The following HIRA variants were observed in gnomAD, a reference collection of about 807,000 sequenced individuals.
The protein encoded by HIRA is histone cell cycle regulator, also known as protein HIRA.
In HIRA, 13 loss-of-function variants were observed where a neutral mutation model predicts 126.6. The ratio of observed to expected loss-of-function variants is 0.10; its 90% CI spans 0.07 to 0.16. The LOEUF (loss-of-function observed/expected upper bound fraction) is 0.16. HIRA is among the 10% of genes least tolerant of loss of function. HIRA has a pLI of 1.00. For missense variants in HIRA, 834 were observed against 1,314.4 expected, an observed-to-expected ratio of 0.63 and a Z score of 5.65; for synonymous variants, 511 against 520.0, an observed-to-expected ratio of 0.98 and a Z score of 0.24.
chr22:19,415,037 C>T (rs1034879906), intron 1 of HIRA, among the ~76,000 whole-genome samples: 2 of 152,142 alleles, frequency 1.3e-5, no homozygotes, highest in African/African-American at 2.4e-5. Context: ...CCTCTACCTC[C>T]TAAGTTCAAG....
intron 5 of HIRA, among the ~76,000 whole-genome samples, chr22:19,404,382 A>T (rs2089292521): frequency 6.6e-6 from 1 of 152,234 alleles, no homozygotes; most frequent in African/African-American, 2.4e-5. Flanking sequence ...CCTACCCCAC[A>T]CTTGGGCACC....
chr22:19,384,133 C>G (rs2089101941), intron 12 of HIRA, among the ~76,000 whole-genome samples: 1 of 151,956 alleles, frequency 6.6e-6, no homozygotes, highest in African/African-American at 2.4e-5. Context: ...TTCTGGCCAA[C>G]ATGGTGAAAC....
chr22:19,380,546 C>A (rs1425467045), intron 13 of HIRA, among the ~76,000 whole-genome samples: 1 of 152,184 alleles, frequency 6.6e-6, no homozygotes, highest in Non-Finnish European at 1.5e-5. Flanking sequence ...GGCTAGTCTT[C>A]CCTGGCTAAT....
chr22:19,423,214 C>T (rs1295990271), intron 1 of HIRA, among the ~76,000 whole-genome samples: 2 of 152,154 alleles, frequency 1.3e-5, no homozygotes, highest in African/African-American at 4.8e-5. Context: ...CCGTCTATCC[C>T]CCGCCTCTGC....
intron 17 of HIRA, among the ~76,000 whole-genome samples, chr22:19,360,879 C>G (rs978013888): frequency 6.6e-6 from 1 of 152,196 alleles, no homozygotes; most frequent in African/African-American, 2.4e-5. Flanking sequence ...CCACACATTC[C>G]CACAGACACC....
rs943098718 is a variant in HIRA, at chr22:19,342,821, C to A, written c.2937+8537G>T. Among the ~76,000 whole-genome samples the A allele has an allele frequency of 1.5e-4, 23 of 152,242 alleles. No individual in the cohort carries two copies. In the East Asian group the frequency reaches 4.4e-3, roughly 29 times the overall value. ...CACACGTTTATAGCAGCACCATTTG[C>A]AACTGCAAAAATACGGAACCAGTCT... On this transcript the variant is annotated intron_variant, in intron 24 of 24. Transcript: ENST00000263208.
chr22:19,376,078 C>G (rs2089016045), intron 14 of HIRA, among the ~76,000 whole-genome samples: 1 of 152,082 alleles, frequency 6.6e-6, no homozygotes, highest in Admixed American at 6.5e-5. Context: ...TCTTACAACC[C>G]TTTTCTCTAG....
intron 2 of HIRA, among the ~76,000 whole-genome samples, chr22:19,409,188 A>G (rs967963188): frequency 6.6e-6 from 1 of 152,180 alleles, no homozygotes; most frequent in Non-Finnish European, 1.5e-5. Flanking sequence ...CCTACAGACG[A>G]GAGACCACCA....
intron 15 of HIRA, among the ~76,000 whole-genome samples, chr22:19,363,982 T>C (rs145084590): frequency 3.3e-5 from 5 of 152,294 alleles, no homozygotes; most frequent in Admixed American, 3.3e-4. Context: ...CCGTAAAACG[T>C]ACAACATCAA....
At chr22:19,400,492 A>G in intron 5 of HIRA, among the ~76,000 whole-genome samples, 1 of 152,200 alleles carries the variant, frequency 6.6e-6, no homozygotes, top group Non-Finnish European at 1.5e-5. Flanking sequence ...TGATGTTTCT[A>G]TCACTGGAAC....
At chr22:19,388,362 C>T (rs2089146829) in intron 10 of HIRA, 122 bp downstream of exon 10, 1 of 720,650 alleles carries the variant, frequency 1.4e-6, no homozygotes, top group South Asian at 1.6e-5. Context: ...TTGGTCTGCG[C>T]TACTATGACA....
chr22:19,363,942 T>C (rs2088889230), intron 15 of HIRA, among the ~76,000 whole-genome samples: 1 of 152,136 alleles, frequency 6.6e-6, no homozygotes, highest in Admixed American at 6.5e-5. Flanking sequence ...TATATAATGA[T>C]GAATATATGT....
intron 13 of HIRA, 61 bp downstream of exon 13, chr22:19,383,559 C>A (rs918544745): frequency 2.2e-6 from 3 of 1,340,792 alleles, no homozygotes; most frequent in African/African-American, 2.9e-5. Flanking sequence ...AAGTGTTAAC[C>A]GCTGAAAGAA....
chr22:19,431,541 G>A lies in HIRA; in HGVS notation c.-65C>T. ...GGTCCCTCAGCGCGCCCGGGCCATGGAGCCACCGCCGCCGCTTCCTCCCGC... is the reference window on the plus strand; with the variant it reads ...GGTCCCTCAGCGCGCCCGGGCCATGAAGCCACCGCCGCCGCTTCCTCCCGC... On this transcript the variant is annotated 5_prime_UTR_variant, in exon 1 of 25. Coordinates refer to ENST00000263208, the MANE Select transcript of HIRA (RefSeq NM_003325.4). 1 of 1,286,930 alleles carries A rather than the reference G, an allele frequency of 7.8e-7. No individual in the cohort carries two copies. 79.7% of individuals were successfully genotyped at this position (1,286,930 alleles called of 1,614,324 possible).
chr22:19,353,547 TGG>T, intron 22 of HIRA, 28 bp from the exon 23 acceptor site: 1 of 1,573,228 alleles, frequency 6.4e-7, no homozygotes, highest in Non-Finnish European at 8.6e-7. Context: ...GTTTCCATGA[TGG>T]GGCAGCAGGC....
chr22:19,383,469 G>T, intron 13 of HIRA, 151 bp downstream of exon 13: 3 of 653,796 alleles, frequency 4.6e-6, no homozygotes, highest in Non-Finnish European at 8.1e-6. Context: ...CTTTGAGACT[G>T]CGGGAAGCTG....
intron 23 of HIRA, among the ~76,000 whole-genome samples, chr22:19,352,912 G>A (rs1055018157): frequency 6.6e-6 from 1 of 152,234 alleles, no homozygotes; most frequent in Admixed American, 6.5e-5. Flanking sequence ...GCTCTGGCGG[G>A]AAGTGCCAGA....
intron 15 of HIRA, among the ~76,000 whole-genome samples, chr22:19,364,765 G>A (rs1241903544): frequency 2.6e-5 from 4 of 152,096 alleles, no homozygotes; most frequent in Non-Finnish European, 5.9e-5. Context: ...TAGGCCAATC[G>A]ATAACCCTAT....
intron 24 of HIRA, among the ~76,000 whole-genome samples, chr22:19,335,038 T>C (rs2088549111): frequency 6.6e-6 from 1 of 152,220 alleles, no homozygotes; most frequent in Admixed American, 6.5e-5. Context: ...CTCTAGGGCA[T>C]ATAACATACA....
Sources: gnomAD v4.1 joint callset for allele counts (sites outside exome capture counted in the v4.1 genomes callset) on GRCh38, gnomAD v4.1.1 for gene constraint, MANE v1.5 for transcripts, NCBI Gene and HGNC (gene_info 2026-07-23, HGNC 2026-07-21) for gene names.